Variants in SASS6 observed in about 807,000 individuals in gnomAD.
SASS6 encodes SAS-6 centriolar assembly protein.
In SASS6, 59 loss-of-function variants were observed where a neutral mutation model predicts 94.9. The ratio of observed to expected loss-of-function variants is 0.62; its 90% CI spans 0.50 to 0.77. The LOEUF is 0.77. Among genes scored for constraint, SASS6 ranks in the 30% least tolerant of loss-of-function variants. SASS6 has a pLI of 0.00. For synonymous variants in SASS6, 264 were observed against 270.0 expected (o/e 0.98, Z 0.22); for missense variants, 698 against 734.1 (o/e 0.95, Z 0.57).
chr1:100,121,049 C>CAAA (rs781458509), intron 5 of SASS6, among the ~76,000 whole-genome samples: 11 of 48,222 alleles, frequency 2.3e-4, no homozygotes, highest in Middle Eastern at 9.6e-3. Flanking sequence ...GACTCCGTCT[C>CAAA]AAAAAAAAAA....
chr1:100,128,907 G>A (rs1263138499), intron 1 of SASS6, among the ~76,000 whole-genome samples: 1 of 152,114 alleles, frequency 6.6e-6, no homozygotes, highest in Non-Finnish European at 1.5e-5. Context: ...CTTTAAGCCA[G>A]GTATTGTGCC....
In SASS6 at chr1:100,110,385, C is replaced by G. The variant is rs77741912; in HGVS notation, c.768G>C (p.Glu256Asp). 2.4e-3 allele frequency: 3,901 copies of G among 1,608,864 alleles called. 6 individuals carry two copies. The highest frequency in any genetic ancestry group is 3.0e-3 in the Non-Finnish European group (3,543 of 1,175,720). Residue 256 changes from glutamate to aspartate, a missense_variant, in exon 8 of 17, where the codon GAG becomes GAC. Transcript: ENST00000287482. ...TTAAGTCTTTATTAGCCGCTTCTAA[C>G]TCAGACAGTCTGTTTTGTAGCTGGT... is the stretch of plus-strand genomic sequence containing the variant. Reference protein sequence around the residue: ...NIHQLQNRLSELEAANKDLTE... With the variant: ...NIHQLQNRLSDLEAANKDLTE...
At chr1:100,088,835 TAAAAA>T (rs72345602) in intron 14 of SASS6, among the ~76,000 whole-genome samples, 1 of 83,960 alleles carries the variant, frequency 1.2e-5, no homozygotes, top group South Asian at 3.6e-4. Flanking sequence ...ACCCTGTCTA[TAAAAA>T]AAAAAAAAAA....
chr1:100,089,639 G>T (rs1651542951), intron 14 of SASS6, among the ~76,000 whole-genome samples: 1 of 151,994 alleles, frequency 6.6e-6, no homozygotes, highest in Non-Finnish European at 1.5e-5. Flanking sequence ...CCAACCTAAA[G>T]TTCTATATTC....
At chr1:100,099,700 G>A (rs1652325705) in intron 14 of SASS6, among the ~76,000 whole-genome samples, 1 of 152,104 alleles carries the variant, frequency 6.6e-6, no homozygotes, top group South Asian at 2.1e-4. Context: ...CGGTTCAAGG[G>A]TTAGAATGAA....
intron 2 of SASS6, among the ~76,000 whole-genome samples, chr1:100,124,473 C>T (rs1458146244): frequency 2.0e-5 from 3 of 152,216 alleles, no homozygotes; most frequent in Non-Finnish European, 2.9e-5. Context: ...CTCAACCTCC[C>T]AGTCTCAAGT....
chr1:100,124,846 G>A (rs1047624522), intron 2 of SASS6, among the ~76,000 whole-genome samples: 5 of 152,198 alleles, frequency 3.3e-5, no homozygotes, highest in African/African-American at 1.2e-4. Context: ...GGAGCATACA[G>A]CTGAGATCCC....
chr1:100,113,800 G>T (rs1653582274), intron 7 of SASS6, among the ~76,000 whole-genome samples: 1 of 151,886 alleles, frequency 6.6e-6, no homozygotes, highest in Non-Finnish European at 1.5e-5. Context: ...GAACATAAGA[G>T]AAATAATATG....
chr1:100,118,972 T>G (rs1431470967), intron 7 of SASS6, 46 bp downstream of exon 7: 1 of 1,392,500 alleles, frequency 7.2e-7, no homozygotes, highest in Non-Finnish European at 9.7e-7. Context: ...ACAAAATGAC[T>G]AACAGCAATA....
Position 100,084,370 on chromosome 1 carries a change from C to A in SASS6, c.*958G>T, listed in dbSNP as rs1019014194. On this transcript the variant is annotated 3_prime_UTR_variant, in exon 17 of 17. Transcript: ENST00000287482. ...GAAAACAAAATGAGGCCCTATGATT[C>A]TAGGTGAATTTTAAAAAAATTTTTC... 20 of 152,036 alleles carry A rather than the reference C, an allele frequency of 1.3e-4. No individual in the cohort carries two copies. In the East Asian group the frequency reaches 3.7e-3, roughly 28 times the overall value. The allele number at this position is 152,036 out of a possible 1,614,324, so 9.4% of individuals were successfully genotyped here.
Position 100,117,091 on chromosome 1 carries a change from C to T in SASS6, c.669+1927G>A, listed in dbSNP as rs1046376181. Among the ~76,000 whole-genome samples the T allele has an allele frequency of 4.6e-5, 7 of 151,224 alleles. No individual in the cohort carries two copies. In the East Asian group the frequency reaches 5.9e-4, roughly 13 times the overall value. On this transcript the variant is annotated intron_variant, in intron 7 of 16. Transcript: ENST00000287482. ...GGCAGATCACCTAAGGTCAGGAGTTCGAGACCATCCTGGCCAACATGGTGA... is the reference window on the plus strand; with the variant it reads ...GGCAGATCACCTAAGGTCAGGAGTTTGAGACCATCCTGGCCAACATGGTGA...
At chr1:100,108,443 A>G (rs908285710) in intron 8 of SASS6, among the ~76,000 whole-genome samples, 5 of 152,084 alleles carry the variant, frequency 3.3e-5, no homozygotes, top group Non-Finnish European at 7.4e-5. Context: ...TATTACAAAT[A>G]TCTTTCTATG....
chr1:100,118,007 T>C (rs1316973709), intron 7 of SASS6, among the ~76,000 whole-genome samples: 1 of 152,088 alleles, frequency 6.6e-6, no homozygotes, highest in Non-Finnish European at 1.5e-5. Context: ...TACCTTAAGA[T>C]CAGGTGGCAT....
In SASS6 at chr1:100,107,001, A is replaced by G. The variant is rs775577067; in HGVS notation, c.1327-8T>C. The G allele has an allele frequency of 1.7e-6, 2 of 1,163,484 alleles. No homozygotes were observed. Among genetic ancestry groups the G allele is most frequent in the African/African-American group, 1.5e-5 (1 of 65,518 alleles). The allele number at this position is 1,163,484 out of a possible 1,614,324, so 72.1% of individuals were successfully genotyped here. A position where few individuals can be genotyped will look rare whatever the true frequency, so the allele number is the denominator to read the frequency against. On this transcript the variant is annotated splice_region_variant and splice_polypyrimidine_tract_variant and intron_variant, in intron 11 of 16. Transcript: ENST00000287482. ...TTCTTGTAATTTGCATACCTGAAAT[A>G]TATCAATCATCACAATAAGTCAAGC...
chr1:100,086,739 G>A (rs1651310512), intron 15 of SASS6, among the ~76,000 whole-genome samples: 2 of 151,708 alleles, frequency 1.3e-5, no homozygotes, highest in Admixed American at 1.3e-4. Context: ...GGAGTGCAGT[G>A]GCAGGATCAT....
intron 14 of SASS6, chr1:100,099,423 A>G (rs1443645114): frequency 6.5e-6 from 1 of 153,350 alleles, no homozygotes; most frequent in Non-Finnish European, 1.5e-5. Flanking sequence ...ATTCAGAGTA[A>G]TTTGTCAACA....
chr1:100,085,448 C>CA lies in SASS6; in HGVS notation c.1868-15dup. On this transcript the variant is annotated splice_polypyrimidine_tract_variant and intron_variant, in intron 16 of 16. Transcript: ENST00000287482. ...CTCTCTGATGGTCTGCAAATGAGGA[C>CA]AAAAAAAGGTTACTGGTATTCATTA... 2 of 1,584,576 alleles carry CA rather than the reference C, an allele frequency of 1.3e-6. No individual in the cohort carries two copies. The highest frequency in any genetic ancestry group is 1.7e-6 in the Non-Finnish European group (2 of 1,156,464).
chr1:100,107,258 G>A, intron 11 of SASS6, 116 bp downstream of exon 11: 17 of 679,478 alleles, frequency 2.5e-5, no homozygotes, highest in Non-Finnish European at 3.8e-5. Context: ...ATCTAGTCAT[G>A]TTCTTTTGTT....
At chr1:100,111,138 G>A (rs1476347004) in intron 7 of SASS6, among the ~76,000 whole-genome samples, 2 of 151,794 alleles carry the variant, frequency 1.3e-5, no homozygotes, top group African/African-American at 4.8e-5. Flanking sequence ...TATTTTTGTG[G>A]TTATCAAAGT....
Sources: gnomAD v4.1 joint callset for allele counts (sites outside exome capture counted in the v4.1 genomes callset) on GRCh38, gnomAD v4.1.1 for gene constraint, MANE v1.5 for transcripts, NCBI Gene and HGNC (gene_info 2026-07-23, HGNC 2026-07-21) for gene names.